The following ZNF611 variants were observed in gnomAD, a reference collection of about 807,000 sequenced individuals.
The protein encoded by ZNF611 is zinc finger protein 611.
Under a neutral mutation model 8.9 loss-of-function variants are expected in ZNF611, and 6 were observed. The ratio of observed to expected loss-of-function variants is 0.68; its 90% CI spans 0.37 to 1.34. The LOEUF is 1.34. Ranked by LOEUF, ZNF611 falls within the 40% of genes most tolerant of loss-of-function variation. The pLI is 0.02. For synonymous variants in ZNF611, 262 were observed against 279.7 expected, an observed-to-expected ratio of 0.94 and a Z score of 0.63; for missense variants, 874 against 841.3, an observed-to-expected ratio of 1.04 and a Z score of -0.48.
Position 52,706,810 on chromosome 19 carries a change from G to A in ZNF611, c.245C>T (p.Thr82Ile). Residue 82 changes from threonine to isoleucine, a missense_variant, in exon 6 of 6, where the codon ACA (threonine) becomes ATA (isoleucine). By Grantham distance (89) the Thr-to-Ile change is moderately conservative (BLOSUM62 -1). Transcript: ENST00000652185. ...KEVLSTGQGN[T>I]EVIHTGTLQR... is the part of the protein sequence containing the mutation. ...CAATGTCCCTGTGTGGATCACTTCTGTATTGCCTTGCCCTGTTGACAAGAC... is the reference window on the plus strand; with the variant it reads ...CAATGTCCCTGTGTGGATCACTTCTATATTGCCTTGCCCTGTTGACAAGAC... The A allele has an allele frequency of 1.2e-6, 2 of 1,612,998 alleles. No individual in the cohort carries two copies. Among genetic ancestry groups the A allele is most frequent in the Non-Finnish European group, 1.7e-6 (2 of 1,179,648 alleles).
At chr19:52,724,841 CT>C (rs1371453496) in intron 3 of ZNF611, among the ~76,000 whole-genome samples, 3 of 152,096 alleles carry the variant, frequency 2.0e-5, no homozygotes, top group African/African-American at 4.8e-5. Flanking sequence ...TTTGCTGCCC[CT>C]CTCCCTATCT....
At chr19:52,717,440 C>T (rs2062325055) in intron 3 of ZNF611, among the ~76,000 whole-genome samples, 1 of 152,140 alleles carries the variant, frequency 6.6e-6, no homozygotes, top group Admixed American at 6.5e-5. Flanking sequence ...GGCCCTGAGA[C>T]AGGAGCAACC....
rs924550410 is a variant in ZNF611, at chr19:52,703,473, G to C, written c.*1464C>G. 1 of 151,908 alleles carries C rather than the reference G, an allele frequency of 6.6e-6. No homozygotes were observed. Among genetic ancestry groups the C allele is most frequent in the African/African-American group, 2.4e-5 (1 of 41,360 alleles). The allele number at this position is 151,908 out of a possible 1,614,324, so 9.4% of individuals were successfully genotyped here. A position where few individuals can be genotyped will look rare whatever the true frequency, so the allele number is the denominator to read the frequency against. ...ACTTTTGTATTTTTAGTAGAGATGG[G>C]GTTTCACCATGTTAGGGTGCTTTTG... On this transcript the variant is annotated 3_prime_UTR_variant, in exon 6 of 6. Coordinates refer to ENST00000652185, the MANE Select transcript of ZNF611 (RefSeq NM_001161499.2).
intron 3 of ZNF611, among the ~76,000 whole-genome samples, chr19:52,726,182 T>C (rs1443182163): frequency 3.3e-5 from 5 of 152,150 alleles, no homozygotes; most frequent in African/African-American, 9.7e-5. Context: ...GAGCCTTTGC[T>C]TGGGATGCGG....
chr19:52,721,494 C>A (rs1191326709), intron 3 of ZNF611, among the ~76,000 whole-genome samples: 3 of 152,234 alleles, frequency 2.0e-5, no homozygotes, highest in Non-Finnish European at 4.4e-5. Flanking sequence ...GCCCGGCCAA[C>A]ATGGCGAAAC....
intron 3 of ZNF611, among the ~76,000 whole-genome samples, chr19:52,727,431 G>C (rs1241673510): frequency 6.6e-6 from 1 of 151,894 alleles, no homozygotes; most frequent in Non-Finnish European, 1.5e-5. Context: ...AGTCCTCAGG[G>C]AAGAGGACTT....
chr19:52,717,801 T>G (rs1048283622), intron 3 of ZNF611: 2 of 548,190 alleles, frequency 3.6e-6, no homozygotes, highest in Non-Finnish European at 4.6e-6. Flanking sequence ...ATAGGCTACT[T>G]GAACTAAATT....
At position 52,706,211 on chromosome 19, in the gene ZNF611, T is replaced by C. The variant is rs766795079; in HGVS notation, c.844A>G (p.Thr282Ala). 6.2e-7 allele frequency: 1 copy of C among 1,614,044 alleles called. No individual in the cohort carries two copies. The highest frequency in any genetic ancestry group is 2.2e-5 in the East Asian group (1 of 44,890). The change falls in exon 6 of 6, where the codon ACT (threonine) becomes GCT (alanine). Residue 282 changes from threonine to alanine, a missense_variant. Coordinates refer to ENST00000652185, the MANE Select transcript of ZNF611 (RefSeq NM_001161499.2). ...QYLACHDRCH[T>A]VEKPYKCKEC... Reference sequence around the variant, plus strand: ...TTACACTTGTAAGGTTTCTCAACAGTGTGACATCTATCATGGCATGCAAGG... The same window carrying C: ...TTACACTTGTAAGGTTTCTCAACAGCGTGACATCTATCATGGCATGCAAGG...
At chr19:52,719,016 A>G (rs550472653) in intron 3 of ZNF611, among the ~76,000 whole-genome samples, 1 of 151,986 alleles carries the variant, frequency 6.6e-6, no homozygotes, top group East Asian at 2.0e-4. Flanking sequence ...GCTAAAAATA[A>G]AAAGTCAGAC....
intron 3 of ZNF611, among the ~76,000 whole-genome samples, chr19:52,722,929 G>C (rs1211563500): frequency 9.1e-6 from 1 of 109,466 alleles, no homozygotes; most frequent in Non-Finnish European, 1.9e-5. Context: ...TTTTTTGATA[G>C]AGATGGGGGC....
At chr19:52,717,844 T>A (rs1178344416) in intron 3 of ZNF611, among the ~76,000 whole-genome samples, 2 of 152,226 alleles carry the variant, frequency 1.3e-5, no homozygotes. Context: ...AGGTCCTTGA[T>A]ATCTTTATCA....
In ZNF611 at chr19:52,704,551, T is replaced by C; in HGVS notation, c.*386A>G. ...TTTCTCTCCAGTATGAGTTCACCGA[T>C]GACCTGCAATATGTGAACGATCTCT... On this transcript the variant is annotated 3_prime_UTR_variant, in exon 6 of 6. Coordinates refer to ENST00000652185, the MANE Select transcript of ZNF611 (RefSeq NM_001161499.2). 2 of 1,368,918 alleles carry C rather than the reference T, an allele frequency of 1.5e-6. No individual in the cohort carries two copies. Among genetic ancestry groups the C allele is most frequent in the South Asian group, 2.4e-5 (2 of 83,242 alleles). 84.8% of individuals were successfully genotyped at this position (1,368,918 alleles called of 1,614,324 possible). A position where few individuals can be genotyped will look rare whatever the true frequency, so the allele number is the denominator to read the frequency against.
intron 1 of ZNF611, among the ~76,000 whole-genome samples, chr19:52,734,129 CAT>C (rs2062441970): frequency 6.7e-6 from 1 of 149,056 alleles, no homozygotes; most frequent in Non-Finnish European, 1.5e-5. Flanking sequence ...TCTCTCTGTA[CAT>C]CTATCTAGCC....
intron 5 of ZNF611, chr19:52,708,935 C>A (rs2062262187): frequency 6.6e-6 from 1 of 152,096 alleles, no homozygotes; most frequent in African/African-American, 2.4e-5. Context: ...GGCAATACAG[C>A]AATTTTATAT....
rs2062214900 is a variant in ZNF611, at chr19:52,703,034, A to G, written c.*1903T>C. The G allele has an allele frequency of 6.7e-6, 1 of 150,186 alleles. No homozygotes were observed. The highest frequency in any genetic ancestry group is 1.5e-5 in the Non-Finnish European group (1 of 67,696). The allele number at this position is 150,186 out of a possible 1,614,324, so 9.3% of individuals were successfully genotyped here. ...TAACGAATTCTGGGGTCAACCGGAA[A>G]ATAACTGGAAAATATACAAGTACAG... is the stretch of plus-strand genomic sequence containing the variant. On this transcript the variant is annotated 3_prime_UTR_variant, in exon 6 of 6. Coordinates refer to ENST00000652185, the MANE Select transcript of ZNF611 (RefSeq NM_001161499.2).
intron 3 of ZNF611, among the ~76,000 whole-genome samples, chr19:52,725,171 T>C (rs558627416): frequency 2.0e-5 from 3 of 152,222 alleles, no homozygotes; most frequent in Admixed American, 6.5e-5. Flanking sequence ...CCCGGTGTCA[T>C]AGGACAAGGC....
At chr19:52,726,076 T>TG (rs2062390899) in intron 3 of ZNF611, among the ~76,000 whole-genome samples, 1 of 152,192 alleles carries the variant, frequency 6.6e-6, no homozygotes, top group Non-Finnish European at 1.5e-5. Context: ...TTCATGCTGA[T>TG]GGCCCACAGA....
chr19:52,718,821 A>G (rs1600320942), intron 3 of ZNF611, among the ~76,000 whole-genome samples: 2 of 149,878 alleles, frequency 1.3e-5, no homozygotes, highest in African/African-American at 5.1e-5. Context: ...CAAACAAAAA[A>G]CAAAAAACCC....
intron 1 of ZNF611, among the ~76,000 whole-genome samples, chr19:52,734,544 G>C (rs1271152011): frequency 2.2e-4 from 12 of 54,164 alleles, no homozygotes; most frequent in East Asian, 1.5e-3. Context: ...GGCGGGGGGG[G>C]GGGGCGCGAC....
Sources: allele counts gnomAD v4.1 joint callset (sites outside exome capture counted in the v4.1 genomes callset), GRCh38; gene constraint gnomAD v4.1.1; transcripts MANE v1.5; gene names NCBI Gene and HGNC (gene_info 2026-07-23, HGNC 2026-07-21).